Variants in DNAAF1 observed in about 807,000 individuals in gnomAD.
The protein encoded by DNAAF1 is dynein assembly factor 1, axonemal.
In DNAAF1, 65 loss-of-function variants were observed where a neutral mutation model predicts 71.1. The observed-to-expected ratio is 0.91, with a 90% confidence interval of 0.75 to 1.12. The LOEUF (loss-of-function observed/expected upper bound fraction) is 1.12, where lower values mean the gene tolerates loss of function less well. Ranked by LOEUF, DNAAF1 falls within the 50% of genes most tolerant of loss-of-function variation. DNAAF1 has a pLI of 0.00. For missense variants in DNAAF1, 1,178 were observed against 899.8 expected, an observed-to-expected ratio of 1.31 and a Z score of -3.96; for synonymous variants, 414 against 354.6, an observed-to-expected ratio of 1.17 and a Z score of -1.88.
chr16:84,150,328 A>G lies in DNAAF1; in HGVS notation c.338A>G (p.Tyr113Cys). Residue 113 changes from tyrosine to cysteine, a missense_variant, in exon 3 of 12, where the codon TAT becomes TGT. Coordinates refer to ENST00000378553, the MANE Select transcript of DNAAF1 (RefSeq NM_178452.6). ...ACCCCAGCATTGAATGATACGCTGT[A>G]TTTACACTTTAAAGGTAAGGACCTA... ...YITPALNDTL[Y>C]LHFKGFDRIE... 1 of 1,612,568 alleles carries G rather than the reference A, an allele frequency of 6.2e-7. No homozygotes were observed. Among genetic ancestry groups the G allele is most frequent in the Non-Finnish European group, 8.5e-7 (1 of 1,178,530 alleles).
chr16:84,147,813 C>A (rs566370479), intron 1 of DNAAF1, among the ~76,000 whole-genome samples: 2 of 152,014 alleles, frequency 1.3e-5, no homozygotes, highest in Admixed American at 1.3e-4. Context: ...CGCCTGTAAT[C>A]CCAGCACTTT....
At chr16:84,148,066 C>CA (rs141989827) in intron 1 of DNAAF1, among the ~76,000 whole-genome samples, 54 of 142,254 alleles carry the variant, frequency 3.8e-4, no homozygotes, top group South Asian at 1.1e-3. Context: ...AGACGGTCTC[C>CA]AAAAAAAAAA....
At chr16:84,153,204 A>G (rs2087263292) in intron 3 of DNAAF1, among the ~76,000 whole-genome samples, 2 of 152,202 alleles carry the variant, frequency 1.3e-5, no homozygotes, top group South Asian at 4.1e-4. Flanking sequence ...CCTTGGAGCA[A>G]TATGGCAAAT....
intron 6 of DNAAF1, among the ~76,000 whole-genome samples, chr16:84,160,854 A>G (rs1482702458): frequency 1.3e-5 from 2 of 151,894 alleles, no homozygotes; most frequent in African/African-American, 4.8e-5. Flanking sequence ...GGAGAATGGC[A>G]TAAACCCGGG....
chr16:84,159,745 G>T lies in DNAAF1; in HGVS notation c.812G>T (p.Arg271Leu). Reference sequence around the variant, plus strand: ...AATTACAGAAGGACAGTCACTGTACGACTAAAGCACTTAACATACCTGGAT... The same window carrying T: ...AATTACAGAAGGACAGTCACTGTACTACTAAAGCACTTAACATACCTGGAT... ...IPNYRRTVTVRLKHLTYLDDR... is the reference protein window; with the variant it reads ...IPNYRRTVTVLLKHLTYLDDR... The change falls in exon 6 of 12, where the codon CGA (arginine) becomes CTA (leucine). Residue 271 changes from arginine to leucine, a missense_variant. Coordinates refer to ENST00000378553, the MANE Select transcript of DNAAF1 (RefSeq NM_178452.6). 1.9e-6 allele frequency: 3 copies of T among 1,613,924 alleles called. No individual in the cohort carries two copies. The South Asian group carries it at 3.3e-5, about 18-fold the overall frequency.
At chr16:84,160,670 C>G (rs2087657374) in intron 6 of DNAAF1, among the ~76,000 whole-genome samples, 1 of 151,548 alleles carries the variant, frequency 6.6e-6, no homozygotes, top group Non-Finnish European at 1.5e-5. Context: ...CGTGGTGGCT[C>G]ATGTCTGTAA....
chr16:84,151,370 A>G (rs2087172884), intron 3 of DNAAF1, among the ~76,000 whole-genome samples: 1 of 152,058 alleles, frequency 6.6e-6, no homozygotes, highest in Non-Finnish European at 1.5e-5. Context: ...CAAATGCCTT[A>G]AGGGGTTGGA....
intron 5 of DNAAF1, among the ~76,000 whole-genome samples, chr16:84,157,829 T>TC (rs1281878511): frequency 6.6e-6 from 1 of 152,176 alleles, no homozygotes; most frequent in Non-Finnish European, 1.5e-5. Flanking sequence ...AATAGAAAGC[T>TC]CTATTATATT....
Position 84,172,635 on chromosome 16 carries a change from G to A in DNAAF1, c.1644+260G>A, listed in dbSNP as rs145991873. On this transcript the variant is annotated intron_variant, in intron 9 of 11. Transcript: ENST00000378553. ...AGTTTGGGGAGCCCTGACCCAAATC[G>A]CTACCCTTGAACCATGTCTACCAAA... The A allele has an allele frequency of 5.4e-5, 72 of 1,322,202 alleles. 1 individual carries two copies. The highest frequency in any genetic ancestry group is 4.3e-4 in the African/African-American group (29 of 67,122). The allele number at this position is 1,322,202 out of a possible 1,614,324, so 81.9% of individuals were successfully genotyped here.
intron 5 of DNAAF1, chr16:84,158,997 C>T (rs9934019): frequency 5.1e-6 from 5 of 984,882 alleles, no homozygotes; most frequent in Admixed American, 1.2e-4. Flanking sequence ...TCCCAAAGTG[C>T]TGAGATTACA....
At chr16:84,146,390 C>A (rs2086910180) in intron 1 of DNAAF1, among the ~76,000 whole-genome samples, 1 of 152,044 alleles carries the variant, frequency 6.6e-6, no homozygotes, top group South Asian at 2.1e-4. Flanking sequence ...GTGTGTGATC[C>A]CCTCACCAAA....
intron 6 of DNAAF1, among the ~76,000 whole-genome samples, chr16:84,165,084 C>G (rs1257034234): frequency 6.6e-6 from 1 of 152,120 alleles, no homozygotes; most frequent in African/African-American, 2.4e-5. Context: ...TGATCATTTG[C>G]CCAGTTTTTT....
intron 1 of DNAAF1, among the ~76,000 whole-genome samples, chr16:84,145,834 C>T (rs1405051576): frequency 6.6e-6 from 1 of 152,186 alleles, no homozygotes; most frequent in Non-Finnish European, 1.5e-5. Flanking sequence ...GGCTCAACGC[C>T]TGTAATTCCA....
rs181418478 is a variant in DNAAF1, at chr16:84,171,134, C to A, written c.1528+778C>A. On this transcript the variant is annotated intron_variant, in intron 8 of 11. Coordinates refer to ENST00000378553, the MANE Select transcript of DNAAF1 (RefSeq NM_178452.6). Reference sequence around the variant, plus strand: ...AGAGCACAGGACCCAAGGATACAGCCCGGGGGAAAAGTAGGGGCAGGCCTT... The same window carrying A: ...AGAGCACAGGACCCAAGGATACAGCACGGGGGAAAAGTAGGGGCAGGCCTT... 4.1e-4 allele frequency among the ~76,000 whole-genome samples: 63 copies of A among 152,120 alleles called. No individual in the cohort carries two copies. In the East Asian group the frequency reaches 0.011, roughly 26 times the overall value.
chr16:84,177,647 C>T (rs769791900), intron 11 of DNAAF1, 82 bp from the exon 12 acceptor site: 1 of 1,240,818 alleles, frequency 8.1e-7, no homozygotes, highest in Non-Finnish European at 1.2e-6. Flanking sequence ...TGAATTTGGC[C>T]TGGACTGAAC....
At chr16:84,172,868 T>C in intron 9 of DNAAF1, 4 of 1,023,564 alleles carry the variant, frequency 3.9e-6, no homozygotes, top group Non-Finnish European at 3.5e-6. Flanking sequence ...CGGTTCAGTG[T>C]CCCATCCCCT....
At chr16:84,152,647 CAA>C (rs574069319) in intron 3 of DNAAF1, among the ~76,000 whole-genome samples, 1,321 of 68,118 alleles carry the variant, frequency 0.019, 16 homozygotes, top group African/African-American at 0.065. Context: ...GATTCTGTCT[CAA>C]AAAAAAAAAA....
At chr16:84,177,397 T>A (rs1441666325) in intron 11 of DNAAF1, 1 of 363,724 alleles carries the variant, frequency 2.7e-6, no homozygotes, top group Non-Finnish European at 5.4e-6. Flanking sequence ...TGCCTCCGCC[T>A]CTGAAGTAGC....
Position 84,170,007 on chromosome 16 carries a change from G to A in DNAAF1, c.1179G>A (p.Lys393=). Residue 393 remains lysine, a synonymous_variant, in exon 8 of 12, where the codon AAG becomes AAA. Transcript: ENST00000378553. The part of the protein sequence containing the change: ...FEAKDELCPE[K]PSGEEPPVEA... ...CCAAGGACGAGCTCTGCCCGGAAAA[G>A]CCAAGTGGAGAGGAGCCGCCTGTGG... 1.9e-6 allele frequency: 3 copies of A among 1,613,860 alleles called. No homozygotes were observed. The highest frequency in any genetic ancestry group is 2.5e-6 in the Non-Finnish European group (3 of 1,179,996).
Sources: allele counts gnomAD v4.1 joint callset (sites outside exome capture counted in the v4.1 genomes callset), GRCh38; gene constraint gnomAD v4.1.1; transcripts MANE v1.5; gene names NCBI Gene and HGNC (gene_info 2026-07-23, HGNC 2026-07-21).